PRKG1: variants seen among roughly 807,000 people sequenced by gnomAD.
PRKG1 encodes the protein cGMP-dependent protein kinase 1.
A neutral mutation model predicts 88.1 loss-of-function variants in PRKG1; 35 were observed. The observed-to-expected ratio is 0.40, with a 90% CI of 0.30 to 0.53. PRKG1 has a LOEUF of 0.53. PRKG1 is among the 20% of genes least tolerant of loss of function. PRKG1 has a pLI of 0.59. For synonymous variants in PRKG1, 303 were observed against 292.5 expected (o/e 1.04, Z -0.37); for missense variants, 540 against 839.8 (o/e 0.64, Z 4.41).
chr10:52,048,914 A>G (rs1158115251), intron 5 of PRKG1, among the ~76,000 whole-genome samples: 1 of 152,162 alleles, frequency 6.6e-6, no homozygotes, highest in Admixed American at 6.6e-5. Context: ...TATATATTGA[A>G]TGCCTATTTT....
At chr10:52,253,459 G>A (rs1295308574) in intron 10 of PRKG1, 1 of 151,792 alleles carries the variant, frequency 6.6e-6, no homozygotes, top group East Asian at 1.9e-4. Context: ...CAAATGAGGA[G>A]GTACAAACAA....
chr10:51,510,951 A>G (rs1407697930), intron 3 of PRKG1, among the ~76,000 whole-genome samples: 1 of 138,536 alleles, frequency 7.2e-6, no homozygotes, highest in South Asian at 2.2e-4. Context: ...CGGGGTTTTT[A>G]CTATGCTGGC....
At chr10:51,331,246 C>A (rs1841733535) in intron 2 of PRKG1, among the ~76,000 whole-genome samples, 1 of 152,022 alleles carries the variant, frequency 6.6e-6, no homozygotes, top group Non-Finnish European at 1.5e-5. Context: ...AAGCCAGAGG[C>A]CACTGCGGCC....
intron 3 of PRKG1, among the ~76,000 whole-genome samples, chr10:51,482,401 G>A (rs972077151): frequency 6.6e-6 from 1 of 152,124 alleles, no homozygotes; most frequent in South Asian, 2.1e-4. Context: ...ACAGACAGAA[G>A]GGATACAAAC....
At chr10:52,164,245 G>C (rs913975764) in intron 9 of PRKG1, among the ~76,000 whole-genome samples, 15 of 152,118 alleles carry the variant, frequency 9.9e-5, no homozygotes, top group African/African-American at 3.6e-4. Flanking sequence ...CAGCTACTCA[G>C]GAGCCTGAGG....
At chr10:51,473,331 A>G (rs891918121) in intron 3 of PRKG1, among the ~76,000 whole-genome samples, 6 of 151,970 alleles carry the variant, frequency 3.9e-5, no homozygotes, top group African/African-American at 1.4e-4. Flanking sequence ...TAAGTAGACG[A>G]AAAATGAATT....
intron 3 of PRKG1, among the ~76,000 whole-genome samples, chr10:51,521,842 A>G (rs903628853): frequency 6.6e-6 from 1 of 152,138 alleles, no homozygotes; most frequent in South Asian, 2.1e-4. Flanking sequence ...AATTTTTTTA[A>G]GTTTCTCTTT....
intron 1 of PRKG1, among the ~76,000 whole-genome samples, chr10:51,029,654 C>G (rs1843255188): frequency 1.3e-5 from 2 of 152,150 alleles, no homozygotes; most frequent in Non-Finnish European, 1.5e-5. Context: ...CTGACATGAG[C>G]AAGTTGTACC....
At chr10:52,229,380 A>T (rs888816804) in intron 9 of PRKG1, among the ~76,000 whole-genome samples, 1 of 152,196 alleles carries the variant, frequency 6.6e-6, no homozygotes, top group Non-Finnish European at 1.5e-5. Context: ...GAAGAAACCA[A>T]TGATATCCTC....
chr10:51,542,000 G>C (rs2132112754), intron 3 of PRKG1, among the ~76,000 whole-genome samples: 1 of 152,168 alleles, frequency 6.6e-6, no homozygotes, highest in African/African-American at 2.4e-5. Context: ...AACCACCAGA[G>C]ACACTCCAGG....
At chr10:51,230,921 A>T (rs1446379771) in intron 2 of PRKG1, among the ~76,000 whole-genome samples, 1 of 152,150 alleles carries the variant, frequency 6.6e-6, no homozygotes, top group East Asian at 1.9e-4. Flanking sequence ...TAAAGGAAAA[A>T]TATGGTCATT....
chr10:51,947,031 C>T (rs1263745882), intron 5 of PRKG1, among the ~76,000 whole-genome samples: 1 of 152,076 alleles, frequency 6.6e-6, no homozygotes, highest in Non-Finnish European at 1.5e-5. Context: ...GAGGTTACTG[C>T]TGTCTTTTTG....
chr10:51,273,119 A>C (rs1840023796), intron 2 of PRKG1, among the ~76,000 whole-genome samples: 1 of 152,154 alleles, frequency 6.6e-6, no homozygotes, highest in Non-Finnish European at 1.5e-5. Flanking sequence ...GAGTCTTCTT[A>C]AGCATTAAGA....
intron 9 of PRKG1, chr10:52,185,198 A>G (rs771177953): frequency 1.3e-5 from 2 of 152,246 alleles, no homozygotes; most frequent in Non-Finnish European, 2.9e-5. Flanking sequence ...CACCCAAGAT[A>G]CAATGGTGGT....
intron 9 of PRKG1, among the ~76,000 whole-genome samples, chr10:52,244,737 T>TATAATATATATTAAG (rs1840963207): frequency 1.1e-5 from 1 of 87,898 alleles, no homozygotes; most frequent in Admixed American, 1.2e-4. Context: ...TATACTTTAA[T>TATAATATATATTAAG]ATATATTTAA....
intron 2 of PRKG1, among the ~76,000 whole-genome samples, chr10:51,383,590 G>A (rs1837171327): frequency 6.6e-6 from 1 of 152,096 alleles, no homozygotes; most frequent in Non-Finnish European, 1.5e-5. Context: ...TTTGAATGCT[G>A]GGAACCAGGA....
chr10:52,228,625 G>GA (rs1416487269), intron 9 of PRKG1, among the ~76,000 whole-genome samples: 2 of 152,174 alleles, frequency 1.3e-5, no homozygotes, highest in East Asian at 3.9e-4. Context: ...AAAGGATATG[G>GA]CACAGTGCCA....
At chr10:51,718,769 G>A (rs1841944404) in intron 3 of PRKG1, among the ~76,000 whole-genome samples, 3 of 151,902 alleles carry the variant, frequency 2.0e-5, no homozygotes, top group Admixed American at 2.0e-4. Context: ...GGTTACCAGA[G>A]GCTGGGAAGG....
intron 3 of PRKG1, among the ~76,000 whole-genome samples, chr10:51,619,990 T>C (rs971889584): frequency 6.6e-6 from 1 of 152,168 alleles, no homozygotes; most frequent in Non-Finnish European, 1.5e-5. Flanking sequence ...AAACATGCCA[T>C]GATAATTTGA....
Sources: allele counts gnomAD v4.1 joint callset (sites outside exome capture counted in the v4.1 genomes callset), GRCh38; gene constraint gnomAD v4.1.1; transcripts MANE v1.5; gene names NCBI Gene and HGNC (gene_info 2026-07-23, HGNC 2026-07-21).